Variants in ARHGAP10 observed in about 807,000 individuals in gnomAD.
The protein encoded by ARHGAP10 is rho GTPase-activating protein 10.
Under a neutral mutation model 108.6 loss-of-function variants are expected in ARHGAP10, and 87 were observed. The ratio of observed to expected loss-of-function variants is 0.80; its 90% CI spans 0.67 to 0.96. The LOEUF (loss-of-function observed/expected upper bound fraction) is 0.96. Among genes scored for constraint, ARHGAP10 ranks in the 40% least tolerant of loss-of-function variants. ARHGAP10 has a pLI of 0.00. For missense variants in ARHGAP10, 939 were observed against 954.5 expected, an observed-to-expected ratio of 0.98 and a Z score of 0.21; for synonymous variants, 347 against 341.1, an observed-to-expected ratio of 1.02 and a Z score of -0.19.
At chr4:147,872,490 G>C (rs1227856684) in intron 7 of ARHGAP10, among the ~76,000 whole-genome samples, 1 of 152,198 alleles carries the variant, frequency 6.6e-6, no homozygotes, top group Middle Eastern at 3.2e-3. Flanking sequence ...CGTGTGCTCT[G>C]TGTATACAGT....
At chr4:148,020,659 A>G (rs747443927) in intron 18 of ARHGAP10, among the ~76,000 whole-genome samples, 2 of 151,872 alleles carry the variant, frequency 1.3e-5, no homozygotes, top group African/African-American at 2.4e-5. Context: ...GTATTCTAAT[A>G]TATATACACC....
At chr4:147,802,684 G>A (rs1731630864) in intron 1 of ARHGAP10, among the ~76,000 whole-genome samples, 1 of 152,230 alleles carries the variant, frequency 6.6e-6, no homozygotes, top group Admixed American at 6.5e-5. Flanking sequence ...ACTTACACTG[G>A]TTTTTTGTTG....
intron 13 of ARHGAP10, among the ~76,000 whole-genome samples, chr4:147,930,695 C>T (rs1186185054): frequency 6.6e-6 from 1 of 152,078 alleles, no homozygotes; most frequent in African/African-American, 2.4e-5. Flanking sequence ...TTTGTATTCT[C>T]CCTGTTTACC....
chr4:147,946,485 T>C, intron 14 of ARHGAP10, 132 bp from the exon 15 acceptor site: 1 of 629,114 alleles, frequency 1.6e-6, no homozygotes, highest in African/African-American at 1.9e-5. Flanking sequence ...AGAAATCATA[T>C]ATATAATGTT....
At chr4:147,939,768 A>T in intron 13 of ARHGAP10, 57 bp from the exon 14 acceptor site, 1 of 1,450,932 alleles carries the variant, frequency 6.9e-7, no homozygotes, top group South Asian at 1.1e-5. Flanking sequence ...CAACTGTTTG[A>T]TGGCTTTTAA....
intron 18 of ARHGAP10, among the ~76,000 whole-genome samples, chr4:148,008,375 T>G (rs1186437819): frequency 6.6e-6 from 1 of 151,938 alleles, no homozygotes; most frequent in African/African-American, 2.4e-5. Context: ...ATTAGAAACA[T>G]TTTTGTAGTT....
intron 1 of ARHGAP10, among the ~76,000 whole-genome samples, chr4:147,782,987 A>T (rs1370480964): frequency 5.0e-5 from 7 of 140,494 alleles, no homozygotes; most frequent in African/African-American, 7.7e-5. Context: ...TATTATATAA[A>T]TTATATATAT....
chr4:147,870,608 A>G (rs1330351458), intron 7 of ARHGAP10, among the ~76,000 whole-genome samples: 1 of 150,442 alleles, frequency 6.6e-6, no homozygotes, highest in Non-Finnish European at 1.5e-5. Context: ...TCTATAATCT[A>G]GAGTAATAAA....
intron 3 of ARHGAP10, among the ~76,000 whole-genome samples, chr4:147,843,964 C>T (rs930364274): frequency 6.6e-6 from 1 of 152,182 alleles, no homozygotes; most frequent in Non-Finnish European, 1.5e-5. Flanking sequence ...TGCATGACTT[C>T]AAATGCCATC....
intron 19 of ARHGAP10, among the ~76,000 whole-genome samples, chr4:148,046,626 A>G (rs1281624184): frequency 2.0e-5 from 3 of 152,174 alleles, no homozygotes; most frequent in African/African-American, 4.8e-5. Flanking sequence ...TGTGGCTGCC[A>G]TTATGCCTTT....
chr4:147,998,612 C>T (rs1740570406), intron 18 of ARHGAP10, among the ~76,000 whole-genome samples: 2 of 152,214 alleles, frequency 1.3e-5, no homozygotes, highest in African/African-American at 4.8e-5. Context: ...TACTTTATAA[C>T]ATTGCAGTTT....
chr4:147,871,193 C>G (rs1367731935), intron 7 of ARHGAP10, among the ~76,000 whole-genome samples: 2 of 152,058 alleles, frequency 1.3e-5, no homozygotes, highest in Non-Finnish European at 2.9e-5. Flanking sequence ...CTCCTGATCT[C>G]GTGATCCGCC....
At chr4:147,769,593 G>A (rs1424928082) in intron 1 of ARHGAP10, among the ~76,000 whole-genome samples, 1 of 152,174 alleles carries the variant, frequency 6.6e-6, no homozygotes, top group East Asian at 1.9e-4. Context: ...TACTTACGGT[G>A]ATCACCCTGA....
intron 18 of ARHGAP10, among the ~76,000 whole-genome samples, chr4:147,999,977 G>A (rs1461483693): frequency 6.6e-6 from 1 of 150,992 alleles, no homozygotes; most frequent in African/African-American, 2.4e-5. Context: ...TGCACAACGT[G>A]CGGGTTTGTT....
chr4:147,940,586 T>C (rs1364478872), intron 14 of ARHGAP10, among the ~76,000 whole-genome samples: 1 of 152,192 alleles, frequency 6.6e-6, no homozygotes, highest in East Asian at 1.9e-4. Context: ...TGATGATAAC[T>C]CATCAGGCTA....
At chr4:147,783,176 CATTAA>C (rs57627764) in intron 1 of ARHGAP10, among the ~76,000 whole-genome samples, 34,237 of 138,894 alleles carry the variant, frequency 0.25, 5,797 homozygotes, top group Non-Finnish European at 0.34. Flanking sequence ...TTATATAACA[CATTAA>C]ATTATATATT....
At chr4:147,866,001 A>G (rs897485266) in intron 6 of ARHGAP10, 1 of 152,254 alleles carries the variant, frequency 6.6e-6, no homozygotes, top group Non-Finnish European at 1.5e-5. Context: ...TAATTTGCCT[A>G]AGGTCCCATA....
intron 19 of ARHGAP10, among the ~76,000 whole-genome samples, chr4:148,043,658 G>A (rs1364605131): frequency 3.2e-5 from 2 of 61,828 alleles, no homozygotes; most frequent in African/African-American, 5.1e-5. Flanking sequence ...TATATTTTAG[G>A]TGTATAAATA....
chr4:147,875,158 G>A lies in ARHGAP10; in HGVS notation c.832+8G>A. On this transcript the variant is annotated splice_region_variant and intron_variant, in intron 8 of 22. Coordinates refer to ENST00000336498, the MANE Select transcript of ARHGAP10 (RefSeq NM_024605.4). ...TGTATGTCCAGGAAAAAAGTAAGAGGCCCTCCAGCAGTGGCTGCGTGGCTG... is the reference window on the plus strand; with the variant it reads ...TGTATGTCCAGGAAAAAAGTAAGAGACCCTCCAGCAGTGGCTGCGTGGCTG... 1 of 1,566,920 alleles carries A rather than the reference G, an allele frequency of 6.4e-7. No homozygotes were observed. Among genetic ancestry groups the A allele is most frequent in the South Asian group, 1.2e-5 (1 of 82,786 alleles).
Sources: gnomAD v4.1 joint callset for allele counts (sites outside exome capture counted in the v4.1 genomes callset) on GRCh38, gnomAD v4.1.1 for gene constraint, MANE v1.5 for transcripts, NCBI Gene and HGNC (gene_info 2026-07-23, HGNC 2026-07-21) for gene names.